Variants in GPC5 observed in about 807,000 individuals in gnomAD.
The protein encoded by GPC5 is glypican-5.
In GPC5, 47 loss-of-function variants were observed where a neutral mutation model predicts 53.9. The observed-to-expected ratio is 0.87, with a 90% CI of 0.69 to 1.11. GPC5 has a LOEUF of 1.11. Ranked by LOEUF, GPC5 falls within the 50% of genes most tolerant of loss-of-function variation. The pLI, the probability that GPC5 is intolerant of heterozygous loss-of-function variation, is 0.00. For missense variants in GPC5, 748 were observed against 713.1 expected, an observed-to-expected ratio of 1.05 and a Z score of -0.56; for synonymous variants, 286 against 263.3, an observed-to-expected ratio of 1.09 and a Z score of -0.84.
chr13:92,503,890 CT>C (rs1405750642), intron 7 of GPC5, among the ~76,000 whole-genome samples: 1 of 151,854 alleles, frequency 6.6e-6, no homozygotes, highest in African/African-American at 2.4e-5. Context: ...ATAAAATCCT[CT>C]TGGCCAAGAT....
At chr13:91,762,611 T>C (rs953630118) in intron 5 of GPC5, among the ~76,000 whole-genome samples, 2 of 151,550 alleles carry the variant, frequency 1.3e-5, no homozygotes, top group Non-Finnish European at 2.9e-5. Flanking sequence ...CCTGGCAAAT[T>C]CTACCTATCC....
At chr13:92,865,150 T>C (rs1048151902) in intron 7 of GPC5, among the ~76,000 whole-genome samples, 1 of 152,154 alleles carries the variant, frequency 6.6e-6, no homozygotes, top group African/African-American at 2.4e-5. Flanking sequence ...ATTAAGGGGA[T>C]AGTTTTTTCC....
chr13:92,664,006 A>C (rs1490568768), intron 7 of GPC5, among the ~76,000 whole-genome samples: 1 of 150,564 alleles, frequency 6.6e-6, no homozygotes, highest in Non-Finnish European at 1.5e-5. Flanking sequence ...CGGGAGGCAG[A>C]GGTTGCAGTG....
rs545985792 is a variant in GPC5 at position 92,758,041 on chromosome 13, A to T, written c.1562-108241A>T. ...TAAAGACACATGCACACGTATGTTT[A>T]TTGTGGCACTATTCACAATAGCAAA... On this transcript the variant is annotated intron_variant, in intron 7 of 7. Coordinates refer to ENST00000377067, the MANE Select transcript of GPC5 (RefSeq NM_004466.6). Among the ~76,000 whole-genome samples the T allele has an allele frequency of 2.1e-4, 31 of 151,030 alleles. 1 individual carries two copies. In the East Asian group the frequency reaches 6.0e-3, roughly 29 times the overall value.
intron 4 of GPC5, among the ~76,000 whole-genome samples, chr13:91,731,432 T>C (rs533612864): frequency 4.9e-4 from 75 of 152,348 alleles, no homozygotes; most frequent in African/African-American, 1.6e-3. Flanking sequence ...CATTTTTGTT[T>C]TAGTATTTTT....
chr13:92,218,106 T>C (rs2042424202), intron 7 of GPC5, among the ~76,000 whole-genome samples: 1 of 151,840 alleles, frequency 6.6e-6, no homozygotes, highest in Admixed American at 6.6e-5. Flanking sequence ...AAAAAAAAAT[T>C]TAGTAGAGAT....
chr13:91,903,465 C>T (rs943081995), intron 5 of GPC5, among the ~76,000 whole-genome samples: 25 of 152,086 alleles, frequency 1.6e-4, no homozygotes, highest in African/African-American at 5.6e-4. Context: ...GTTTACATTT[C>T]CATCCACAGT....
chr13:92,188,798 T>G (rs1344840200), intron 7 of GPC5, among the ~76,000 whole-genome samples: 2 of 152,250 alleles, frequency 1.3e-5, no homozygotes, highest in African/African-American at 2.4e-5. Flanking sequence ...CCTTCCACTT[T>G]CTGGTTCAGC....
intron 6 of GPC5, among the ~76,000 whole-genome samples, chr13:92,049,985 CTCTT>C (rs899492366): frequency 6.6e-6 from 1 of 152,014 alleles, no homozygotes; most frequent in African/African-American, 2.4e-5. Flanking sequence ...GGCTCTGAAA[CTCTT>C]TGTAAGCAGA....
intron 7 of GPC5, among the ~76,000 whole-genome samples, chr13:92,208,919 TCA>T (rs1204047989): frequency 6.6e-6 from 1 of 152,192 alleles, no homozygotes; most frequent in African/African-American, 2.4e-5. Flanking sequence ...CTTTTCAAGT[TCA>T]CAGAGGATAT....
chr13:92,521,058 C>G (rs989523487), intron 7 of GPC5, among the ~76,000 whole-genome samples: 1 of 152,090 alleles, frequency 6.6e-6, no homozygotes. Flanking sequence ...ACTTAGGAAT[C>G]CAACTTACAA....
chr13:92,211,518 C>G (rs1220413345), intron 7 of GPC5, among the ~76,000 whole-genome samples: 2 of 152,232 alleles, frequency 1.3e-5, no homozygotes, highest in Non-Finnish European at 2.9e-5. Flanking sequence ...CTGGCCTTAG[C>G]CAAGCAGTTT....
rs567789016 is a variant in GPC5, at chr13:92,489,985, A to G, written c.1561+344996A>G. ...TATGACATATTTGTCCCTAAACATT[A>G]TATGTAAGTTTTTATTTTTAACATG... On this transcript the variant is annotated intron_variant, in intron 7 of 7. Coordinates refer to ENST00000377067, the MANE Select transcript of GPC5 (RefSeq NM_004466.6). Among the ~76,000 whole-genome samples the G allele has an allele frequency of 1.2e-4, 19 of 152,046 alleles. No individual in the cohort carries two copies. In the South Asian group the frequency reaches 3.9e-3, roughly 32 times the overall value.
At chr13:92,481,606 C>T (rs1879359432) in intron 7 of GPC5, among the ~76,000 whole-genome samples, 1 of 152,190 alleles carries the variant, frequency 6.6e-6, no homozygotes, top group Admixed American at 6.5e-5. Flanking sequence ...TGCATGACCA[C>T]TGTGGATCAA....
intron 5 of GPC5, among the ~76,000 whole-genome samples, chr13:91,873,147 A>T (rs2039165544): frequency 6.6e-6 from 1 of 152,200 alleles, no homozygotes; most frequent in South Asian, 2.1e-4. Context: ...AAATCTAGAA[A>T]ATATTGAACT....
intron 7 of GPC5, among the ~76,000 whole-genome samples, chr13:92,524,149 G>C (rs1000581428): frequency 3.3e-5 from 5 of 152,030 alleles, no homozygotes; most frequent in Admixed American, 3.3e-4. Context: ...TGTAGCATGC[G>C]ATGATGTTTG....
intron 7 of GPC5, among the ~76,000 whole-genome samples, chr13:92,464,208 T>C (rs958431520): frequency 6.6e-6 from 1 of 152,156 alleles, no homozygotes; most frequent in Non-Finnish European, 1.5e-5. Flanking sequence ...AGACGACATA[T>C]CTTCCTTCAA....
At chr13:91,995,634 A>G (rs1430281054) in intron 6 of GPC5, 1 of 152,208 alleles carries the variant, frequency 6.6e-6, no homozygotes, top group East Asian at 1.9e-4. Flanking sequence ...TAAACATTCA[A>G]AACTATTAGA....
chr13:92,791,585 G>A (rs77571117), intron 7 of GPC5, among the ~76,000 whole-genome samples: 1,579 of 151,620 alleles, frequency 0.01, 16 homozygotes, highest in Non-Finnish European at 0.015. Context: ...GTTACCAAGT[G>A]GTACCTATTC....
Sources: gnomAD v4.1 joint callset for allele counts (sites outside exome capture counted in the v4.1 genomes callset) on GRCh38, gnomAD v4.1.1 for gene constraint, MANE v1.5 for transcripts, NCBI Gene and HGNC (gene_info 2026-07-23, HGNC 2026-07-21) for gene names.